PHACTR3: variants seen among roughly 807,000 people sequenced by gnomAD.
PHACTR3 encodes protein phosphatase 1, regulatory subunit 123.
In PHACTR3, 16 loss-of-function variants were observed where a neutral mutation model predicts 66.8. The ratio of observed to expected loss-of-function variants is 0.24; its 90% CI spans 0.16 to 0.36. The LOEUF is 0.36. PHACTR3 is among the 10% of genes least tolerant of loss of function. PHACTR3 has a pLI of 1.00. For missense variants in PHACTR3, 647 were observed against 719.9 expected (o/e 0.90, Z 1.16); for synonymous variants, 323 against 292.1 (o/e 1.11, Z -1.08).
Position 59,663,859 on chromosome 20 carries a change from A to G in PHACTR3, c.118+58727A>G, listed in dbSNP as rs114824304. 9.1e-3 allele frequency among the ~76,000 whole-genome samples: 1,393 copies of G among 152,364 alleles called. 21 individuals are homozygous for G. Among genetic ancestry groups the G allele is most frequent in the African/African-American group, 0.032 (1,314 of 41,576 alleles). ...TATAGCATGGTTGCACGTGCTTGGC[A>G]AAGAACCAGTCTGTTTAGCTTGCTT... On this transcript the variant is annotated intron_variant, in intron 1 of 12. Coordinates refer to ENST00000371015, the MANE Select transcript of PHACTR3 (RefSeq NM_080672.5).
chr20:59,777,191 T>C (rs1468059443), intron 7 of PHACTR3, among the ~76,000 whole-genome samples: 1 of 152,184 alleles, frequency 6.6e-6, no homozygotes, highest in Non-Finnish European at 1.5e-5. Context: ...CCCCTTCATA[T>C]GAGGATAGTA....
At chr20:59,657,256 G>GTT (rs1404155756) in intron 1 of PHACTR3, among the ~76,000 whole-genome samples, 2 of 99,722 alleles carry the variant, frequency 2.0e-5, no homozygotes, top group African/African-American at 8.2e-5. Flanking sequence ...ATAGAAGTGT[G>GTT]TTGTGTGTGT....
chr20:59,791,379 T>A (rs2041090062), intron 7 of PHACTR3, among the ~76,000 whole-genome samples: 1 of 152,144 alleles, frequency 6.6e-6, no homozygotes, highest in African/African-American at 2.4e-5. Context: ...GGGTATTCTG[T>A]TATAGCAGCA....
intron 9 of PHACTR3, among the ~76,000 whole-genome samples, chr20:59,838,146 G>A (rs898811774): frequency 6.6e-6 from 1 of 152,126 alleles, no homozygotes; most frequent in African/African-American, 2.4e-5. Flanking sequence ...TTTGTCCTTA[G>A]CTCGGAAGCC....
chr20:59,711,597 C>T (rs1377796997), intron 1 of PHACTR3, among the ~76,000 whole-genome samples: 1 of 152,112 alleles, frequency 6.6e-6, no homozygotes, highest in East Asian at 1.9e-4. Flanking sequence ...AACATCATAG[C>T]CTCGCCTGTC....
intron 1 of PHACTR3, among the ~76,000 whole-genome samples, chr20:59,696,560 C>T (rs1357487022): frequency 6.6e-6 from 1 of 152,144 alleles, no homozygotes; most frequent in Non-Finnish European, 1.5e-5. Context: ...TTGGGATGCT[C>T]TTCACACCTA....
intron 1 of PHACTR3, among the ~76,000 whole-genome samples, chr20:59,731,355 G>A (rs2038752696): frequency 6.6e-6 from 1 of 152,184 alleles, no homozygotes; most frequent in Non-Finnish European, 1.5e-5. Context: ...TTTTATAAGA[G>A]TTTGTTCTTT....
chr20:59,729,099 AG>A (rs2038672603), intron 1 of PHACTR3, among the ~76,000 whole-genome samples: 1 of 152,102 alleles, frequency 6.6e-6, no homozygotes, highest in African/African-American at 2.4e-5. Context: ...CAGGGCTTTG[AG>A]GGCCAAAGGG....
At chr20:59,703,537 G>T (rs2037585871) in intron 1 of PHACTR3, among the ~76,000 whole-genome samples, 1 of 152,156 alleles carries the variant, frequency 6.6e-6, no homozygotes, top group Non-Finnish European at 1.5e-5. Flanking sequence ...TGTGTTCTGT[G>T]TAGAAAATGG....
chr20:59,824,516 G>A (rs188146889), intron 8 of PHACTR3, among the ~76,000 whole-genome samples: 10 of 152,282 alleles, frequency 6.6e-5, no homozygotes, highest in South Asian at 6.2e-4. Context: ...AGCAGCACCC[G>A]GTTCCTTTCT....
chr20:59,629,034 G>A (rs1415796470), intron 1 of PHACTR3, among the ~76,000 whole-genome samples: 1 of 152,206 alleles, frequency 6.6e-6, no homozygotes, highest in Non-Finnish European at 1.5e-5. Flanking sequence ...ACCAGGTTTT[G>A]CAAGCACTTT....
intron 1 of PHACTR3, among the ~76,000 whole-genome samples, chr20:59,716,206 TTGTGTGTGTGTGTGTGTGTGTGTGTGTG>T (rs201782505): frequency 1.3e-3 from 168 of 128,670 alleles, no homozygotes; most frequent in African/African-American, 4.4e-3. Context: ...CCTTCACCCT[TTGTGTGTGTGTGTGTGTGTGTGTGTGTG>T]TGTGTGTGTG....
chr20:59,620,599 C>T (rs1259709919), intron 1 of PHACTR3, among the ~76,000 whole-genome samples: 3 of 152,128 alleles, frequency 2.0e-5, no homozygotes, highest in African/African-American at 2.4e-5. Context: ...GGCACAAATC[C>T]CCCATAAGCG....
intron 8 of PHACTR3, among the ~76,000 whole-genome samples, chr20:59,834,280 T>C (rs919506610): frequency 2.0e-5 from 3 of 152,244 alleles, no homozygotes; most frequent in African/African-American, 7.2e-5. Flanking sequence ...CGAGCCCTTC[T>C]GTGGGCAGCA....
At chr20:59,717,173 C>T (rs2038123921) in intron 1 of PHACTR3, among the ~76,000 whole-genome samples, 1 of 152,136 alleles carries the variant, frequency 6.6e-6, no homozygotes, top group South Asian at 2.1e-4. Context: ...TTCTTGGATT[C>T]ATGAAAAATT....
intron 8 of PHACTR3, among the ~76,000 whole-genome samples, chr20:59,819,595 G>A (rs1364108135): frequency 6.6e-6 from 1 of 151,804 alleles, no homozygotes; most frequent in Non-Finnish European, 1.5e-5. Flanking sequence ...CCGGGACCCT[G>A]CAGATCCCAC....
At chr20:59,683,616 T>G (rs2036745579) in intron 1 of PHACTR3, among the ~76,000 whole-genome samples, 1 of 152,134 alleles carries the variant, frequency 6.6e-6, no homozygotes, top group Non-Finnish European at 1.5e-5. Context: ...AAAACAACAT[T>G]TAGTTCAAGT....
chr20:59,589,193 T>A (rs1480484947), intron 1 of PHACTR3, among the ~76,000 whole-genome samples: 1 of 152,176 alleles, frequency 6.6e-6, no homozygotes, highest in East Asian at 1.9e-4. Flanking sequence ...GAGAAGTGAA[T>A]GTTATTCTCC....
intron 10 of PHACTR3, 42 bp downstream of exon 10, chr20:59,840,472 T>C (rs892244849): frequency 6.2e-7 from 1 of 1,608,776 alleles, no homozygotes; most frequent in Non-Finnish European, 8.5e-7. Context: ...AAAGGTGGTC[T>C]AGAGAACAGC....
Sources: allele counts gnomAD v4.1 joint callset (sites outside exome capture counted in the v4.1 genomes callset), GRCh38; gene constraint gnomAD v4.1.1; transcripts MANE v1.5; gene names NCBI Gene and HGNC (gene_info 2026-07-23, HGNC 2026-07-21).